Variants in GNAS observed in about 807,000 individuals in gnomAD.
The protein encoded by GNAS is protein ALEX.
GNAS carries 8 observed loss-of-function variants against 54.5 expected under a neutral mutation model. The ratio of observed to expected loss-of-function variants is 0.15; its 90% confidence interval spans 0.09 to 0.26. The LOEUF (loss-of-function observed/expected upper bound fraction) is 0.26, where lower values mean the gene tolerates loss of function less well. GNAS is among the 10% of genes least tolerant of loss of function. The pLI, the probability that GNAS is intolerant of heterozygous loss-of-function variation, is 1.00. For missense variants in GNAS, 170 were observed against 529.8 expected, an observed-to-expected ratio of 0.32 and a Z score of 6.67; for synonymous variants, 204 against 191.4, an observed-to-expected ratio of 1.07 and a Z score of -0.54.
chr20:58,839,962 C>T, upstream of GNAS: 1 of 812,156 alleles, frequency 1.2e-6, no homozygotes, highest in Non-Finnish European at 2.0e-6. Flanking sequence ...CCTTTTTCTC[C>T]TCACAAGGAG....
intron 1 of GNAS, 30 bp downstream of exon 1, chr20:58,891,895 G>C (rs751781371): frequency 1.9e-6 from 2 of 1,060,752 alleles, no homozygotes; most frequent in Non-Finnish European, 2.3e-6. Flanking sequence ...GCCGGCCCCG[G>C]CCCGGGGGCC....
At chr20:58,890,404 C>T (rs2145878749), upstream of GNAS, among the ~76,000 whole-genome samples, 1 of 151,702 alleles carries the variant, frequency 6.6e-6, no homozygotes, top group Non-Finnish European at 1.5e-5. Context: ...GCCTACTACG[C>T]GGCGCCGCGC....
intron 1 of GNAS, chr20:58,854,934 A>T (rs1312447292): frequency 3.1e-6 from 5 of 1,603,588 alleles, no homozygotes; most frequent in Non-Finnish European, 3.4e-6. Context: ...CAAGTCCGAG[A>T]GCAGCCGCGG....
Position 58,902,464 on chromosome 20 carries a change from C to T in GNAS, c.258-1067C>T, listed in dbSNP as rs80179008. On this transcript the variant is annotated intron_variant, in intron 3 of 12. Coordinates refer to ENST00000371085, the MANE Select transcript of GNAS (RefSeq NM_000516.7). The stretch of plus-strand genomic sequence containing the variant: ...AAGGGTGTGTCCTTTACCTGTGGGA[C>T]CAGTGACCCTGAATATAGATCATTC... Among the ~76,000 whole-genome samples, 1,197 of 152,190 alleles carry T rather than the reference C, an allele frequency of 7.9e-3. 8 individuals carry two copies. Among genetic ancestry groups the T allele is most frequent in the South Asian group, 0.012 (60 of 4,828 alleles).
chr20:58,881,553 A>T (rs1334645036), intron 1 of GNAS, among the ~76,000 whole-genome samples: 1 of 152,054 alleles, frequency 6.6e-6, no homozygotes, highest in Non-Finnish European at 1.5e-5. Context: ...GACATTTCAG[A>T]GTTCCCCTCT....
At position 58,903,568 on chromosome 20, in the gene GNAS, C is replaced by T. The variant is rs1351567741; in HGVS notation, c.295C>T (p.Leu99=). 12 of 1,614,004 alleles carry T rather than the reference C, an allele frequency of 7.4e-6. No individual in the cohort carries two copies. Among genetic ancestry groups the T allele is most frequent in the Admixed American group, 1.7e-5 (1 of 60,004 alleles). Reference sequence around the variant, plus strand: ...CAAAGTGCAGGACATCAAAAACAACCTGAAAGAGGCGATTGAAGTACGTGC... The same window carrying T: ...CAAAGTGCAGGACATCAAAAACAACTTGAAAGAGGCGATTGAAGTACGTGC... ...ATKVQDIKNN[L]KEAIETIVAA... Residue 99 remains leucine, a synonymous_variant, in exon 4 of 13, where the codon CTG becomes TTG. Transcript: ENST00000371085.
At position 58,909,940 on chromosome 20, in the gene GNAS, CCTT is replaced by C. The variant is rs1347815522; in HGVS notation, c.840-7_840-5del. 1 of 1,614,126 alleles carries C rather than the reference CCTT, an allele frequency of 6.2e-7. No homozygotes were observed. On this transcript the variant is annotated splice_polypyrimidine_tract_variant and splice_region_variant and intron_variant, in intron 10 of 12. Coordinates refer to ENST00000371085, the MANE Select transcript of GNAS (RefSeq NM_000516.7). The surrounding 1 kb of genome is among the most constrained non-coding windows in gnomAD (Gnocchi z 7.3). ...TTCTCCCAAGCATTCACACGGCCTC[CCTT>C]CTTGTAGATGGCTGCGCACCATCTC...
chr20:58,891,701 C>T lies in GNAS; in HGVS notation c.-26C>T, dbSNP rs1374718446. 4.8e-6 allele frequency: 5 copies of T among 1,048,804 alleles called. No individual in the cohort carries two copies. Among genetic ancestry groups the T allele is most frequent in the East Asian group, 1.1e-4 (1 of 8,788 alleles). 65.0% of individuals were successfully genotyped at this position (1,048,804 alleles called of 1,614,324 possible). ...GCGCCCGCCGCCGCCGCAGCCCGGCCGCGCCCCGCCGCCGCCGCCGCCGCC... is the reference window on the plus strand; with the variant it reads ...GCGCCCGCCGCCGCCGCAGCCCGGCTGCGCCCCGCCGCCGCCGCCGCCGCC... On this transcript the variant is annotated 5_prime_UTR_variant, in exon 1 of 13. Transcript: ENST00000371085.
chr20:58,874,228 G>C (rs1349331460), intron 1 of GNAS, among the ~76,000 whole-genome samples: 1 of 152,212 alleles, frequency 6.6e-6, no homozygotes, highest in East Asian at 1.9e-4. Flanking sequence ...AGGGTTACTG[G>C]CCATGCTGAG....
chr20:58,868,695 C>T (rs2087223579), intron 1 of GNAS, among the ~76,000 whole-genome samples: 1 of 152,164 alleles, frequency 6.6e-6, no homozygotes, highest in African/African-American at 2.4e-5. Flanking sequence ...TCTCGAATTT[C>T]TTTCTCACTT....
chr20:58,882,660 C>G (rs533035808), intron 1 of GNAS, among the ~76,000 whole-genome samples: 1 of 152,192 alleles, frequency 6.6e-6, no homozygotes, highest in Admixed American at 6.5e-5. Context: ...AAAAGTAAAT[C>G]ATTCCAAGCT....
At chr20:58,865,413 C>T (rs2086998737) in intron 1 of GNAS, among the ~76,000 whole-genome samples, 1 of 147,856 alleles carries the variant, frequency 6.8e-6, no homozygotes, top group African/African-American at 2.5e-5. Flanking sequence ...AGCAAAACTC[C>T]ATCTCAAAAA....
upstream of GNAS, chr20:58,889,313 C>T: frequency 2.0e-6 from 2 of 989,792 alleles, 1 homozygote; most frequent in Non-Finnish European, 2.4e-6. Context: ...GGCGGGCGGC[C>T]GGCAGGCGCT....
chr20:58,850,791 C>T (rs937282779), intron 1 of GNAS: 12 of 398,694 alleles, frequency 3.0e-5, no homozygotes, highest in Admixed American at 4.4e-5. Flanking sequence ...AGTGACCCCA[C>T]GGCGCTAGCG....
intron 1 of GNAS, among the ~76,000 whole-genome samples, chr20:58,844,519 A>G (rs1180451554): frequency 6.6e-6 from 1 of 152,200 alleles, no homozygotes; most frequent in Non-Finnish European, 1.5e-5. Context: ...GGTTGCTTCT[A>G]GCCATGGTCA....
At chr20:58,868,902 G>A (rs559962936) in intron 1 of GNAS, among the ~76,000 whole-genome samples, 161 of 152,286 alleles carry the variant, frequency 1.1e-3, no homozygotes, top group African/African-American at 3.6e-3. Context: ...GATGGCGCTC[G>A]GCTTTTACGA....
chr20:58,845,611 C>T (rs949787321), intron 1 of GNAS, among the ~76,000 whole-genome samples: 17 of 152,004 alleles, frequency 1.1e-4, no homozygotes, highest in African/African-American at 4.1e-4. Context: ...TTCTTTCTTA[C>T]ATATCAAAAG....
intron 1 of GNAS, among the ~76,000 whole-genome samples, chr20:58,894,217 C>T (rs970909577): frequency 7.2e-5 from 11 of 152,162 alleles, no homozygotes; most frequent in Admixed American, 3.9e-4. Flanking sequence ...CTGTTTTTGC[C>T]TATGAAAGAT....
chr20:58,879,746 C>T (rs765065562), intron 1 of GNAS, among the ~76,000 whole-genome samples: 4 of 152,206 alleles, frequency 2.6e-5, no homozygotes, highest in African/African-American at 4.8e-5. Flanking sequence ...TCTAGGCAGA[C>T]GTGGAGAGAG....
Sources: gnomAD v4.1 joint callset for allele counts (sites outside exome capture counted in the v4.1 genomes callset) on GRCh38, gnomAD v4.1.1 for gene constraint, Gnocchi (gnomAD v3.1) non-coding constraint, MANE v1.5 for transcripts, NCBI Gene and HGNC (gene_info 2026-07-23, HGNC 2026-07-21) for gene names.